CPEB3: variants seen among roughly 807,000 people sequenced by gnomAD.
CPEB3 encodes cytoplasmic polyadenylation element binding protein 3.
A neutral mutation model predicts 67.2 loss-of-function variants in CPEB3; 20 were observed. The observed-to-expected ratio is 0.30, with a 90% CI of 0.21 to 0.43. The LOEUF is 0.43. Among genes scored for constraint, CPEB3 ranks in the 20% least tolerant of loss-of-function variants. CPEB3 has a pLI of 1.00. For synonymous variants in CPEB3, 376 were observed against 393.1 expected, an observed-to-expected ratio of 0.96 and a Z score of 0.51; for missense variants, 746 against 968.6, an observed-to-expected ratio of 0.77 and a Z score of 3.05.
At chr10:92,068,597 A>G (rs768386153) in intron 9 of CPEB3, among the ~76,000 whole-genome samples, 21 of 152,186 alleles carry the variant, frequency 1.4e-4, no homozygotes, top group Non-Finnish European at 2.8e-4. Flanking sequence ...CCAATTCTTT[A>G]TCTCATAAAC....
intron 1 of CPEB3, among the ~76,000 whole-genome samples, chr10:92,264,147 G>A (rs975385064): frequency 6.6e-6 from 1 of 151,934 alleles, no homozygotes; most frequent in African/African-American, 2.4e-5. Context: ...TGGACAACAT[G>A]GTAAAACCCT....
rs559338173 is a variant in CPEB3, at chr10:92,101,289, C to T, written c.1573-9345G>A. 2.0e-5 allele frequency among the ~76,000 whole-genome samples: 3 copies of T among 152,166 alleles called. No homozygotes were observed. The South Asian group carries it at 6.2e-4, about 32-fold the overall frequency. On this transcript the variant is annotated intron_variant, in intron 7 of 9. Transcript: ENST00000265997. ...ATACTCTGATTTCTTTTTTCCTTTT[C>T]CTCTTTTCAGTACCGTTCAAACTCA...
At chr10:92,203,062 C>T (rs1425933870) in intron 2 of CPEB3, among the ~76,000 whole-genome samples, 2 of 151,362 alleles carry the variant, frequency 1.3e-5, no homozygotes, top group Non-Finnish European at 2.9e-5. Flanking sequence ...CTGCCTCAGC[C>T]TCCCCAGTAG....
At chr10:92,160,848 T>C (rs1378889246) in intron 4 of CPEB3, among the ~76,000 whole-genome samples, 1 of 152,194 alleles carries the variant, frequency 6.6e-6, no homozygotes, top group Admixed American at 6.5e-5. Flanking sequence ...GCATGTTGAA[T>C]TGGGGACAGA....
At chr10:92,260,855 T>G (rs1166185531) in intron 1 of CPEB3, among the ~76,000 whole-genome samples, 1 of 152,144 alleles carries the variant, frequency 6.6e-6, no homozygotes, top group Non-Finnish European at 1.5e-5. Flanking sequence ...GTGATCCACC[T>G]GCCTCGGCCT....
At chr10:92,120,603 A>G (rs1232261028) in intron 6 of CPEB3, among the ~76,000 whole-genome samples, 1 of 152,112 alleles carries the variant, frequency 6.6e-6, no homozygotes, top group Admixed American at 6.5e-5. Flanking sequence ...AAAACAAAAA[A>G]CAAAAGAAAA....
At chr10:92,094,973 A>G (rs1843793596) in intron 7 of CPEB3, among the ~76,000 whole-genome samples, 1 of 152,146 alleles carries the variant, frequency 6.6e-6, no homozygotes, top group Non-Finnish European at 1.5e-5. Flanking sequence ...AGATCACTTT[A>G]TTTTAAAAAT....
At chr10:92,180,283 A>G (rs1317829955) in intron 4 of CPEB3, among the ~76,000 whole-genome samples, 1 of 152,238 alleles carries the variant, frequency 6.6e-6, no homozygotes, top group African/African-American at 2.4e-5. Flanking sequence ...CATATATACC[A>G]TGCAAATTCC....
At chr10:92,066,455 T>C (rs1240856251) in intron 9 of CPEB3, among the ~76,000 whole-genome samples, 1 of 152,178 alleles carries the variant, frequency 6.6e-6, no homozygotes, top group Non-Finnish European at 1.5e-5. Context: ...TGAGTATAAA[T>C]GTCCCTGTTT....
At chr10:92,160,048 G>C (rs2133943620) in intron 4 of CPEB3, among the ~76,000 whole-genome samples, 1 of 151,846 alleles carries the variant, frequency 6.6e-6, no homozygotes, top group East Asian at 2.0e-4. Flanking sequence ...CCAGGTTCAA[G>C]CGATTCTCCT....
intron 2 of CPEB3, among the ~76,000 whole-genome samples, chr10:92,218,431 C>T (rs1850539140): frequency 1.3e-5 from 2 of 152,096 alleles, no homozygotes; most frequent in South Asian, 4.1e-4. Flanking sequence ...GACAAACAAA[C>T]ACCAAAAACA....
chr10:92,100,624 CT>C (rs1488406592), intron 7 of CPEB3, among the ~76,000 whole-genome samples: 1 of 150,510 alleles, frequency 6.6e-6, no homozygotes, highest in Non-Finnish European at 1.5e-5. Flanking sequence ...CAGAGTCTCG[CT>C]CTGTAGCCCA....
intron 6 of CPEB3, chr10:92,137,697 G>A (rs961192407): frequency 1.1e-5 from 5 of 462,100 alleles, no homozygotes; most frequent in African/African-American, 8.1e-5. Flanking sequence ...ATCAATACTG[G>A]AAAGAAGGTG....
intron 1 of CPEB3, among the ~76,000 whole-genome samples, chr10:92,250,858 ATTTTTTTTTT>A (rs1211646953): frequency 1.2e-4 from 12 of 104,120 alleles, no homozygotes; most frequent in Middle Eastern, 7.0e-3. Context: ...CACACAGTTA[ATTTTTTTTTT>A]TTTTTTTTTT....
At chr10:92,056,862 C>T (rs953502219) in intron 9 of CPEB3, among the ~76,000 whole-genome samples, 2 of 152,240 alleles carry the variant, frequency 1.3e-5, no homozygotes. Context: ...GGAAGAGCTT[C>T]GTCTTGCATC....
At chr10:92,203,346 ATATATATATGTATATATATG>A (rs1383735939) in intron 2 of CPEB3, among the ~76,000 whole-genome samples, 15 of 147,274 alleles carry the variant, frequency 1.0e-4, no homozygotes, top group Admixed American at 7.6e-4. Context: ...TGATATATAT[ATATATATATGTATATATATG>A]TATATATGTA....
chr10:92,129,495 T>C (rs1845746289), intron 6 of CPEB3, among the ~76,000 whole-genome samples: 1 of 152,184 alleles, frequency 6.6e-6, no homozygotes, highest in South Asian at 2.1e-4. Flanking sequence ...GATGGTTGGT[T>C]CTGCTGGGAT....
intron 4 of CPEB3, among the ~76,000 whole-genome samples, chr10:92,157,089 G>A (rs1343892108): frequency 6.6e-6 from 1 of 152,142 alleles, no homozygotes; most frequent in Non-Finnish European, 1.5e-5. Flanking sequence ...GCTTTAACTT[G>A]GTCACACAGC....
At chr10:92,219,937 C>A (rs1411453609) in intron 2 of CPEB3, among the ~76,000 whole-genome samples, 1 of 152,204 alleles carries the variant, frequency 6.6e-6, no homozygotes. Flanking sequence ...GTGGGCAGAT[C>A]ACCTGAGGTC....
Sources: gnomAD v4.1 joint callset for allele counts (sites outside exome capture counted in the v4.1 genomes callset) on GRCh38, gnomAD v4.1.1 for gene constraint, MANE v1.5 for transcripts, NCBI Gene and HGNC (gene_info 2026-07-23, HGNC 2026-07-21) for gene names.